The following SPAG16 variants were observed in gnomAD, a reference collection of about 807,000 sequenced individuals.
The protein encoded by SPAG16 is sperm-associated antigen 16 protein.
Under a neutral mutation model 80.4 loss-of-function variants are expected in SPAG16, and 86 were observed. That is an observed-to-expected ratio of 1.07 (90% confidence interval 0.90 to 1.28). SPAG16 has a LOEUF of 1.28. Ranked by LOEUF, SPAG16 falls within the 50% of genes most tolerant of loss-of-function variation. The pLI, the probability that SPAG16 is intolerant of heterozygous loss-of-function variation, is 0.00. For synonymous variants in SPAG16, 294 were observed against 265.9 expected, an observed-to-expected ratio of 1.11 and a Z score of -1.03; for missense variants, 870 against 765.3, an observed-to-expected ratio of 1.14 and a Z score of -1.61.
chr2:214,135,140 A>C (rs2054979653), intron 14 of SPAG16, among the ~76,000 whole-genome samples: 1 of 152,174 alleles, frequency 6.6e-6, no homozygotes, highest in African/African-American at 2.4e-5. Flanking sequence ...TCTAAACAAT[A>C]CCTACTTCTA....
At chr2:214,316,748 TATCAATGTTAC>T (rs1414112165) in intron 15 of SPAG16, among the ~76,000 whole-genome samples, 5 of 152,224 alleles carry the variant, frequency 3.3e-5, no homozygotes, top group Non-Finnish European at 4.4e-5. Flanking sequence ...CTCAAGATCC[TATCAATGTTAC>T]ATAATATAAA....
At chr2:213,667,663 A>T (rs1444213618) in intron 10 of SPAG16, among the ~76,000 whole-genome samples, 2 of 152,188 alleles carry the variant, frequency 1.3e-5, no homozygotes, top group East Asian at 3.8e-4. Context: ...ATATCATCTG[A>T]TTATAATTAA....
chr2:213,697,257 G>C lies in SPAG16; in HGVS notation c.1071-165228G>C, dbSNP rs185068948. ...AGGGCTGGAGGCCACTACACAAAGG[G>C]AGAAGGTATGAATACTCATTTTACA... On this transcript the variant is annotated intron_variant, in intron 10 of 15. Coordinates refer to ENST00000331683, the MANE Select transcript of SPAG16 (RefSeq NM_024532.5). Among the ~76,000 whole-genome samples, 28 of 152,272 alleles carry C rather than the reference G, an allele frequency of 1.8e-4. No individual in the cohort carries two copies. The East Asian group carries it at 3.9e-3, about 21-fold the overall frequency.
chr2:214,360,701 T>C (rs1699127427), intron 15 of SPAG16, among the ~76,000 whole-genome samples: 1 of 151,822 alleles, frequency 6.6e-6, no homozygotes, highest in Admixed American at 6.6e-5. Context: ...TGCAGGGAAG[T>C]TTAAACTTTC....
chr2:213,806,873 A>T (rs1189798993), intron 10 of SPAG16, among the ~76,000 whole-genome samples: 2 of 152,236 alleles, frequency 1.3e-5, no homozygotes, highest in Non-Finnish European at 2.9e-5. Context: ...ATTTTAAAAC[A>T]TCAATCCAAA....
intron 13 of SPAG16, among the ~76,000 whole-genome samples, chr2:214,083,508 T>C (rs1331169597): frequency 6.6e-6 from 1 of 152,108 alleles, no homozygotes; most frequent in African/African-American, 2.4e-5. Flanking sequence ...CCATAACAAG[T>C]CTCGTGTTCT....
At chr2:214,160,557 TCTC>T (rs1017271591) in intron 15 of SPAG16, among the ~76,000 whole-genome samples, 5 of 151,978 alleles carry the variant, frequency 3.3e-5, no homozygotes, top group African/African-American at 1.2e-4. Context: ...AACTTATTAA[TCTC>T]CTTTTATGTG....
chr2:213,685,160 A>G (rs2064601774), intron 10 of SPAG16, among the ~76,000 whole-genome samples: 1 of 152,224 alleles, frequency 6.6e-6, no homozygotes, highest in South Asian at 2.1e-4. Context: ...GGGTTGCATT[A>G]TGTCACACCA....
chr2:213,868,244 T>A (rs2075785583), intron 11 of SPAG16, among the ~76,000 whole-genome samples: 1 of 93,284 alleles, frequency 1.1e-5, no homozygotes, highest in Admixed American at 1.2e-4. Flanking sequence ...TTTATAAAAA[T>A]GAGAATTTTT....
chr2:213,796,054 G>A (rs1052953848), intron 10 of SPAG16, among the ~76,000 whole-genome samples: 2 of 151,992 alleles, frequency 1.3e-5, no homozygotes, highest in East Asian at 1.9e-4. Flanking sequence ...TGGAGGATAC[G>A]ATATATCTTA....
intron 10 of SPAG16, among the ~76,000 whole-genome samples, chr2:213,503,418 C>T (rs2074832282): frequency 1.3e-5 from 2 of 152,150 alleles, no homozygotes; most frequent in African/African-American, 4.8e-5. Context: ...TGAAAAGGTA[C>T]CATTTTAGAA....
chr2:213,838,144 T>C (rs1189969681), intron 10 of SPAG16, among the ~76,000 whole-genome samples: 2 of 151,818 alleles, frequency 1.3e-5, no homozygotes, highest in African/African-American at 4.8e-5. Flanking sequence ...ATGACAAAAA[T>C]AAAAGGCCAA....
chr2:213,902,760 ACAGTCC>A (rs2077271634), intron 11 of SPAG16, among the ~76,000 whole-genome samples: 1 of 152,140 alleles, frequency 6.6e-6, no homozygotes, highest in Non-Finnish European at 1.5e-5. Flanking sequence ...CCAAAAGTCC[ACAGTCC>A]AAAGTCTCAT....
At chr2:214,401,240 C>T (rs1229488352) in intron 15 of SPAG16, among the ~76,000 whole-genome samples, 1 of 151,888 alleles carries the variant, frequency 6.6e-6, no homozygotes, top group East Asian at 1.9e-4. Context: ...CAGCAGATGC[C>T]TCTCCACATG....
intron 10 of SPAG16, among the ~76,000 whole-genome samples, chr2:213,723,193 A>G (rs1330005620): frequency 6.6e-6 from 1 of 152,146 alleles, no homozygotes; most frequent in Admixed American, 6.5e-5. Context: ...TTATAATTAG[A>G]TAAGCATTCT....
intron 10 of SPAG16, among the ~76,000 whole-genome samples, chr2:213,527,859 T>C (rs1166360593): frequency 1.3e-5 from 2 of 152,150 alleles, no homozygotes; most frequent in African/African-American, 4.8e-5. Flanking sequence ...TTGCAGCACA[T>C]AGAAGTTTTC....
chr2:213,456,688 T>A (rs2072036641), intron 9 of SPAG16, among the ~76,000 whole-genome samples: 1 of 152,152 alleles, frequency 6.6e-6, no homozygotes, highest in African/African-American at 2.4e-5. Context: ...GTTCAATTTA[T>A]CAGTCAAGGA....
intron 9 of SPAG16, among the ~76,000 whole-genome samples, chr2:213,488,313 G>A (rs1242433649): frequency 6.6e-6 from 1 of 152,116 alleles, no homozygotes; most frequent in Non-Finnish European, 1.5e-5. Context: ...CTACATGACT[G>A]GCAGCAGTAT....
At chr2:213,295,345 G>A (rs983712311) in intron 1 of SPAG16, among the ~76,000 whole-genome samples, 1 of 152,008 alleles carries the variant, frequency 6.6e-6, no homozygotes, top group Admixed American at 6.5e-5. Flanking sequence ...TATAGTTTTT[G>A]AAAGTCTTAA....
Sources: allele counts gnomAD v4.1 joint callset (sites outside exome capture counted in the v4.1 genomes callset), GRCh38; gene constraint gnomAD v4.1.1; transcripts MANE v1.5; gene names NCBI Gene and HGNC (gene_info 2026-07-23, HGNC 2026-07-21).